The following SLCO3A1 variants were observed in gnomAD, a reference collection of about 807,000 sequenced individuals.
SLCO3A1 encodes the protein solute carrier organic anion transporter family member 3A1.
Under a neutral mutation model 63.1 loss-of-function variants are expected in SLCO3A1, and 27 were observed. That is an observed-to-expected ratio of 0.43 (90% CI 0.32 to 0.59). The LOEUF is 0.59. SLCO3A1 is among the 20% of genes least tolerant of loss of function. The pLI, the probability that SLCO3A1 is intolerant of heterozygous loss-of-function variation, is 0.09. For synonymous variants in SLCO3A1, 473 were observed against 409.9 expected (o/e 1.15, Z -1.86); for missense variants, 773 against 945.8 (o/e 0.82, Z 2.40).
At position 92,047,043 on chromosome 15, in the gene SLCO3A1, T is replaced by TATATATATAATATATAAATATATATACAA. The variant is rs1567086806; in HGVS notation, c.647-47799_647-47771dup. Reference sequence around the variant, plus strand: ...TAATATATAAATATATATATATAAATATATATATAATATATAAATATATAT... The same window carrying TATATATATAATATATAAATATATATACAA: ...TAATATATAAATATATATATATAAATATATATATAATATATAAATATATATACAAATATATATAATATATAAATATATAT... On this transcript the variant is annotated intron_variant, in intron 2 of 9. Transcript: ENST00000318445. Among the ~76,000 whole-genome samples the TATATATATAATATATAAATATATATACAA allele has an allele frequency of 1.6e-4, 6 of 36,582 alleles. 2 individuals carry two copies. The highest frequency in any genetic ancestry group is 2.5e-4 in the Non-Finnish European group (5 of 19,976). The allele number at this position is 36,582 out of a possible 152,430, so 24.0% of individuals were successfully genotyped here.
chr15:91,881,289 C>A (rs1219034790), intron 1 of SLCO3A1, among the ~76,000 whole-genome samples: 1 of 136,084 alleles, frequency 7.3e-6, no homozygotes, highest in Non-Finnish European at 1.7e-5. Flanking sequence ...TGTTCCCCCA[C>A]CTTTTTTTTT....
At chr15:91,935,119 A>G (rs572738020) in intron 2 of SLCO3A1, among the ~76,000 whole-genome samples, 3 of 152,212 alleles carry the variant, frequency 2.0e-5, no homozygotes, top group African/African-American at 4.8e-5. Context: ...ACGCCTGGCT[A>G]ATTTTTGTAT....
Position 92,137,815 on chromosome 15 carries a change from G to A in SLCO3A1, c.1513-9169G>A, listed in dbSNP as rs1420862662. On this transcript the variant is annotated intron_variant, in intron 7 of 9. Coordinates refer to ENST00000318445, the MANE Select transcript of SLCO3A1 (RefSeq NM_013272.4). ...TCATGTCCTTCGCCCACTTTTTGACGGGGTTGTTTGTTTTTTTCTTGTAAA... is the reference window on the plus strand; with the variant it reads ...TCATGTCCTTCGCCCACTTTTTGACAGGGTTGTTTGTTTTTTTCTTGTAAA... Among the ~76,000 whole-genome samples, 32 of 105,386 alleles carry A rather than the reference G, an allele frequency of 3.0e-4. 11 individuals are homozygous for A. Among genetic ancestry groups the A allele is most frequent in the South Asian group, 1.3e-3 (5 of 3,766 alleles). The allele number at this position is 105,386 out of a possible 152,430, so 69.1% of individuals were successfully genotyped here.
intron 2 of SLCO3A1, among the ~76,000 whole-genome samples, chr15:91,943,740 C>T (rs1166819197): frequency 1.3e-5 from 2 of 152,178 alleles, no homozygotes; most frequent in African/African-American, 4.8e-5. Context: ...CAGGAAGAAG[C>T]CAGAGCCCCA....
At chr15:92,149,870 A>T (rs911448412) in intron 8 of SLCO3A1, 1 of 152,202 alleles carries the variant, frequency 6.6e-6, no homozygotes, top group African/African-American at 2.4e-5. Context: ...GTCTCTATTT[A>T]TGTGTCTGTC....
chr15:91,857,182 T>G (rs1450775820), intron 1 of SLCO3A1, among the ~76,000 whole-genome samples: 2 of 151,860 alleles, frequency 1.3e-5, no homozygotes, highest in Non-Finnish European at 2.9e-5. Context: ...AAAACTGTAT[T>G]GTATATAAGG....
At chr15:92,131,284 C>T (rs893626787) in intron 7 of SLCO3A1, among the ~76,000 whole-genome samples, 2 of 152,046 alleles carry the variant, frequency 1.3e-5, no homozygotes, top group African/African-American at 4.8e-5. Flanking sequence ...ACATGCACTT[C>T]TCATTCGAGA....
Position 91,953,186 on chromosome 15 carries a change from C to T in SLCO3A1, c.646+36728C>T, listed in dbSNP as rs139634034. 6.2e-4 allele frequency among the ~76,000 whole-genome samples: 95 copies of T among 152,288 alleles called. 1 individual carries two copies. In the Middle Eastern group the frequency reaches 0.017, roughly 27 times the overall value. ...AAACATCTATATATAAAGTGGCTAA[C>T]GTAAGATAAACTGTCATCTTAGAAA... On this transcript the variant is annotated intron_variant, in intron 2 of 9. Transcript: ENST00000318445.
intron 2 of SLCO3A1, among the ~76,000 whole-genome samples, chr15:92,043,743 T>C (rs1318824918): frequency 2.0e-5 from 3 of 152,238 alleles, no homozygotes; most frequent in African/African-American, 7.2e-5. Context: ...TTTCATAGAT[T>C]GCATGTCAAC....
At chr15:92,147,301 G>C in intron 8 of SLCO3A1, 142 bp downstream of exon 8, 1 of 764,812 alleles carries the variant, frequency 1.3e-6, no homozygotes, top group South Asian at 1.8e-5. Flanking sequence ...GCTTCTCTAG[G>C]CTGATAGGAA....
intron 2 of SLCO3A1, among the ~76,000 whole-genome samples, chr15:92,046,462 G>A (rs578193606): frequency 1.4e-4 from 21 of 152,204 alleles, no homozygotes; most frequent in African/African-American, 4.3e-4. Flanking sequence ...CCCAGGAGGC[G>A]GAGGTTGCAT....
intron 4 of SLCO3A1, among the ~76,000 whole-genome samples, chr15:92,114,546 C>T (rs573089836): frequency 1.6e-4 from 25 of 152,258 alleles, no homozygotes; most frequent in Non-Finnish European, 2.8e-4. Context: ...TCCGTGACAC[C>T]GTTTCTCCTA....
chr15:92,111,917 G>A (rs1305379359), intron 4 of SLCO3A1, among the ~76,000 whole-genome samples: 1 of 152,226 alleles, frequency 6.6e-6, no homozygotes, highest in African/African-American at 2.4e-5. Context: ...GGGAACCTGT[G>A]TGCTGTTTGA....
chr15:92,025,166 CT>C (rs11413999), intron 2 of SLCO3A1, among the ~76,000 whole-genome samples: 5,901 of 128,956 alleles, frequency 0.046, 138 homozygotes, highest in African/African-American at 0.087. Context: ...TTAGGTTGTC[CT>C]TTTTTTTTTT....
intron 7 of SLCO3A1, among the ~76,000 whole-genome samples, chr15:92,131,814 C>T (rs1244696396): frequency 6.8e-6 from 1 of 146,060 alleles, no homozygotes; most frequent in Non-Finnish European, 1.5e-5. Context: ...TTCACCACTG[C>T]TGAGAAGCCT....
rs561759051 is a variant in SLCO3A1 at position 92,074,713 on chromosome 15, C to T, written c.647-20168C>T. Among the ~76,000 whole-genome samples, 22 of 152,018 alleles carry T rather than the reference C, an allele frequency of 1.4e-4. No individual in the cohort carries two copies. The South Asian group carries it at 4.1e-3, about 29-fold the overall frequency. ...GAAAAGCCATCTTCCAGGACAGAGA[C>T]GCAGAGAAATTAAGCAACTCATGTT... On this transcript the variant is annotated intron_variant, in intron 2 of 9. Coordinates refer to ENST00000318445, the MANE Select transcript of SLCO3A1 (RefSeq NM_013272.4).
intron 2 of SLCO3A1, among the ~76,000 whole-genome samples, chr15:92,085,365 C>T (rs965137926): frequency 1.3e-5 from 2 of 152,244 alleles, no homozygotes; most frequent in Non-Finnish European, 2.9e-5. Flanking sequence ...TCTATTTGCA[C>T]GTGAGCTAAC....
At chr15:92,075,860 T>A (rs1189787773) in intron 2 of SLCO3A1, among the ~76,000 whole-genome samples, 1 of 152,192 alleles carries the variant, frequency 6.6e-6, no homozygotes, top group Non-Finnish European at 1.5e-5. Context: ...CTCTCTCATA[T>A]AGTGAGTGAG....
chr15:91,918,836 G>A (rs1898746498), intron 2 of SLCO3A1, among the ~76,000 whole-genome samples: 1 of 152,206 alleles, frequency 6.6e-6, no homozygotes. Context: ...CTGATGCTGG[G>A]ACTGTAGGTG....
Sources: allele counts gnomAD v4.1 joint callset (sites outside exome capture counted in the v4.1 genomes callset), GRCh38; gene constraint gnomAD v4.1.1; transcripts MANE v1.5; gene names NCBI Gene and HGNC (gene_info 2026-07-23, HGNC 2026-07-21).